The following GBE1 variants were observed in gnomAD, a reference collection of about 807,000 sequenced individuals.
GBE1 encodes the protein 1,4-alpha-glucan-branching enzyme.
In GBE1, 70 loss-of-function variants were observed where a neutral mutation model predicts 88.8. The observed-to-expected ratio is 0.79, with a 90% CI of 0.65 to 0.96. The LOEUF (loss-of-function observed/expected upper bound fraction) is 0.96, where lower values mean the gene tolerates loss of function less well. Among genes scored for constraint, GBE1 ranks in the 40% least tolerant of loss-of-function variants. The pLI is 0.00. For synonymous variants in GBE1, 284 were observed against 300.1 expected (o/e 0.95, Z 0.56); for missense variants, 872 against 871.0 (o/e 1.00, Z -0.01).
chr3:81,586,772 G>A (rs776369770), intron 9 of GBE1, among the ~76,000 whole-genome samples: 20 of 146,008 alleles, frequency 1.4e-4, no homozygotes, highest in Non-Finnish European at 2.2e-4. Context: ...GAGGTGAAGG[G>A]ATCTCTCAAG....
intron 12 of GBE1, among the ~76,000 whole-genome samples, chr3:81,545,554 C>T (rs1319572422): frequency 6.6e-6 from 1 of 151,994 alleles, no homozygotes; most frequent in Non-Finnish European, 1.5e-5. Flanking sequence ...CAGTCTATCA[C>T]AGCCTCCCTT....
intron 7 of GBE1, among the ~76,000 whole-genome samples, chr3:81,631,610 G>T (rs1704511513): frequency 6.6e-6 from 1 of 151,384 alleles, no homozygotes; most frequent in Admixed American, 6.6e-5. Flanking sequence ...AGCCAGGTGT[G>T]GTGGTGTGCA....
intron 7 of GBE1, among the ~76,000 whole-genome samples, chr3:81,613,999 T>C (rs1422837631): frequency 6.6e-6 from 1 of 151,924 alleles, no homozygotes; most frequent in Non-Finnish European, 1.5e-5. Context: ...CAAAGGTAAG[T>C]TGCTTAGTGA....
chr3:81,624,454 T>C (rs1704375561), intron 7 of GBE1, among the ~76,000 whole-genome samples: 1 of 152,328 alleles, frequency 6.6e-6, no homozygotes, highest in Non-Finnish European at 1.5e-5. Context: ...GTAATATTCA[T>C]ATATTTAATA....
intron 1 of GBE1, among the ~76,000 whole-genome samples, chr3:81,738,330 T>C (rs868363142): frequency 1.6e-4 from 24 of 151,040 alleles, no homozygotes; most frequent in Middle Eastern, 6.8e-3. Context: ...ATCGCCACAC[T>C]GACTTCCACA....
At position 81,577,723 on chromosome 3, in the gene GBE1, A is replaced by G. The variant is rs1473331063; in HGVS notation, c.1618+202T>C. 3.3e-5 allele frequency among the ~76,000 whole-genome samples: 5 copies of G among 152,162 alleles called. No homozygotes were observed. In the East Asian group the frequency reaches 9.6e-4, roughly 29 times the overall value. On this transcript the variant is annotated intron_variant, in intron 12 of 15. Transcript: ENST00000429644. ...TCAATTAAATATCAGCTTTTAGACT[A>G]TACTTTTGTATCATATATTAATATA...
intron 3 of GBE1, among the ~76,000 whole-genome samples, chr3:81,652,637 C>T (rs1704866812): frequency 6.6e-6 from 1 of 152,090 alleles, no homozygotes; most frequent in African/African-American, 2.4e-5. Context: ...TCTTTAGGCC[C>T]CTGGATTTTG....
chr3:81,605,441 C>T (rs1381358842), intron 7 of GBE1, among the ~76,000 whole-genome samples: 3 of 152,102 alleles, frequency 2.0e-5, no homozygotes, highest in Admixed American at 6.6e-5. Flanking sequence ...TAAACAAATA[C>T]TTCTCAAGCT....
chr3:81,575,888 T>A (rs1221511763), intron 12 of GBE1, among the ~76,000 whole-genome samples: 1 of 151,938 alleles, frequency 6.6e-6, no homozygotes, highest in African/African-American at 2.4e-5. Flanking sequence ...TTTGTTACTT[T>A]AAAAAAAATG....
At position 81,568,154 on chromosome 3, in the gene GBE1, AT is replaced by A. The variant is rs796209679; in HGVS notation, c.1618+9770del. Among the ~76,000 whole-genome samples, 15 of 148,392 alleles carry A rather than the reference AT, an allele frequency of 1.0e-4. No homozygotes were observed. In the South Asian group the frequency reaches 1.7e-3, roughly 17 times the overall value. On this transcript the variant is annotated intron_variant, in intron 12 of 15. Transcript: ENST00000429644. ...GCTTACAGCCATCTTTGGATTCTCA[AT>A]TTTTTTTTTTGAGATGGAGTCTCGC...
chr3:81,651,693 A>C (rs1443518255), intron 3 of GBE1, among the ~76,000 whole-genome samples: 2 of 152,136 alleles, frequency 1.3e-5, no homozygotes, highest in Admixed American at 1.3e-4. Context: ...ACTATAAACC[A>C]GTTTTCCGTG....
At chr3:81,743,014 T>A (rs1267675612) in intron 1 of GBE1, among the ~76,000 whole-genome samples, 1 of 152,078 alleles carries the variant, frequency 6.6e-6, no homozygotes, top group Non-Finnish European at 1.5e-5. Context: ...TCAATACACA[T>A]TTGCAAAACA....
rs56681369 is a variant in GBE1 at position 81,547,625 on chromosome 3, T to TTCTCTCTC, written c.1619-10538_1619-10531dup. On this transcript the variant is annotated intron_variant, in intron 12 of 15. Transcript: ENST00000429644. The stretch of plus-strand genomic sequence containing the variant: ...CTAGTCAGGCTTCTAGGTTCGTTTG[T>TTCTCTCTC]TCTCTCTCTCTCTCTCTCTCTCTCT... 9.8e-3 allele frequency among the ~76,000 whole-genome samples: 1,354 copies of TTCTCTCTC among 138,300 alleles called. 27 individuals carry two copies. The highest frequency in any genetic ancestry group is 0.031 in the African/African-American group (1,184 of 37,720). 90.7% of individuals were successfully genotyped at this position (138,300 alleles called of 152,430 possible).
At chr3:81,638,926 A>C (rs1417389354) in intron 7 of GBE1, among the ~76,000 whole-genome samples, 1 of 152,212 alleles carries the variant, frequency 6.6e-6, no homozygotes, top group Non-Finnish European at 1.5e-5. Context: ...AGTAAATATA[A>C]TAATTTCAAA....
intron 14 of GBE1, among the ~76,000 whole-genome samples, chr3:81,500,397 G>A (rs1702571719): frequency 6.6e-6 from 1 of 151,944 alleles, no homozygotes; most frequent in South Asian, 2.1e-4. Flanking sequence ...TCAAAGACAT[G>A]GCAAATAATG....
intron 1 of GBE1, among the ~76,000 whole-genome samples, chr3:81,739,331 A>G (rs1226207959): frequency 6.6e-6 from 1 of 152,162 alleles, no homozygotes; most frequent in African/African-American, 2.4e-5. Flanking sequence ...GATTTTATAT[A>G]TGTAAAGCAA....
chr3:81,631,949 C>A (rs902204121), intron 7 of GBE1, among the ~76,000 whole-genome samples: 1 of 152,016 alleles, frequency 6.6e-6, no homozygotes, highest in Non-Finnish European at 1.5e-5. Flanking sequence ...CAAATGCTAT[C>A]CCTCCCCTTG....
chr3:81,577,976 T>G lies in GBE1; in HGVS notation c.1567A>C (p.Ile523Leu), dbSNP rs377162168. ...IDRGIQLHKM[I>L]RLITHGLGGE... ...CCAAGCCCATGCGTAATGAGTCGAA[T>G]CATTTTATGAAGCTGTATTCCACGA... The change falls in exon 12 of 16, where the codon ATT (isoleucine) becomes CTT (leucine). Residue 523 changes from isoleucine to leucine, a missense_variant. Physicochemically the swap from Ile to Leu is conservative, Grantham distance 5 (BLOSUM62 2). Coordinates refer to ENST00000429644, the MANE Select transcript of GBE1 (RefSeq NM_000158.4). The G allele has an allele frequency of 8.7e-6, 14 of 1,609,240 alleles. No individual in the cohort carries two copies. The highest frequency in any genetic ancestry group is 1.2e-5 in the Non-Finnish European group (14 of 1,178,208).
chr3:81,715,531 G>A (rs542290665), intron 1 of GBE1, among the ~76,000 whole-genome samples: 5 of 152,196 alleles, frequency 3.3e-5, no homozygotes, highest in South Asian at 4.2e-4. Flanking sequence ...CTAGGTTCAC[G>A]AGATTTGAAA....
Sources: gnomAD v4.1 joint callset for allele counts (sites outside exome capture counted in the v4.1 genomes callset) on GRCh38, gnomAD v4.1.1 for gene constraint, MANE v1.5 for transcripts, NCBI Gene and HGNC (gene_info 2026-07-23, HGNC 2026-07-21) for gene names.